Variants in TOX observed in about 807,000 individuals in gnomAD.
TOX encodes thymocyte selection associated high mobility group box, also known as thymocyte selection-associated high mobility group box protein TOX.
A neutral mutation model predicts 53.7 loss-of-function variants in TOX; 11 were observed. That is an observed-to-expected ratio of 0.20 (90% CI 0.13 to 0.34). The LOEUF (loss-of-function observed/expected upper bound fraction) is 0.34. TOX is among the 10% of genes least tolerant of loss of function. The probability of loss-of-function intolerance (pLI) is 1.00; values close to 1 mark genes in which losing one functional copy is unlikely to be tolerated. For missense variants in TOX, 570 were observed against 664.6 expected (o/e 0.86, Z 1.56); for synonymous variants, 225 against 245.3 (o/e 0.92, Z 0.77).
chr8:58,827,383 GGA>G (rs1810383109), intron 5 of TOX, among the ~76,000 whole-genome samples: 1 of 152,146 alleles, frequency 6.6e-6, no homozygotes, highest in Non-Finnish European at 1.5e-5. Context: ...GAAACAGAAG[GGA>G]GAGTGCAGGT....
chr8:58,920,737 G>GAAAAAAAAAAAAAAAAAAAAAAA (rs1397497086), intron 3 of TOX, among the ~76,000 whole-genome samples: 1 of 47,742 alleles, frequency 2.1e-5, no homozygotes, highest in African/African-American at 6.8e-5. Context: ...AAAAAAAAAA[G>GAAAAAAAAAAAAAAAAAAAAAAA]AAAAAAAAGA....
At chr8:59,051,365 A>G (rs1305343809) in intron 1 of TOX, among the ~76,000 whole-genome samples, 1 of 152,192 alleles carries the variant, frequency 6.6e-6, no homozygotes, top group African/African-American at 2.4e-5. Context: ...ATTATGTCAG[A>G]TATCTCAAAT....
chr8:58,909,273 T>C (rs1038235679), intron 3 of TOX, among the ~76,000 whole-genome samples: 1 of 152,162 alleles, frequency 6.6e-6, no homozygotes, highest in African/African-American at 2.4e-5. Flanking sequence ...GATGGGTTGA[T>C]AGGTGCAGCA....
intron 1 of TOX, among the ~76,000 whole-genome samples, chr8:59,056,804 C>T (rs1443987978): frequency 6.6e-6 from 1 of 152,180 alleles, no homozygotes; most frequent in Non-Finnish European, 1.5e-5. Context: ...TGAAGAGCAA[C>T]TAGAAAAAGA....
intron 3 of TOX, among the ~76,000 whole-genome samples, chr8:58,881,079 C>A (rs78774829): frequency 8.6e-5 from 13 of 151,864 alleles, no homozygotes; most frequent in Middle Eastern, 3.4e-3. Flanking sequence ...GGGGGGTGAG[C>A]GGGATTGAGC....
chr8:59,058,445 G>A (rs759479781), intron 1 of TOX, among the ~76,000 whole-genome samples: 13 of 152,186 alleles, frequency 8.5e-5, no homozygotes, highest in Admixed American at 3.9e-4. Context: ...TGTAACTGGT[G>A]GAAATGGTGA....
At chr8:59,070,249 C>G (rs1042993844) in intron 1 of TOX, among the ~76,000 whole-genome samples, 1 of 152,118 alleles carries the variant, frequency 6.6e-6, no homozygotes, top group East Asian at 1.9e-4. Flanking sequence ...AGCCAAATAT[C>G]TGCCTCAACA....
intron 1 of TOX, among the ~76,000 whole-genome samples, chr8:59,027,539 A>G (rs1328505928): frequency 6.6e-6 from 1 of 152,008 alleles, no homozygotes; most frequent in Non-Finnish European, 1.5e-5. Flanking sequence ...GACAGCACCA[A>G]CTGGTTTGAG....
At chr8:59,025,742 G>A (rs957730215) in intron 1 of TOX, among the ~76,000 whole-genome samples, 5 of 152,118 alleles carry the variant, frequency 3.3e-5, no homozygotes, top group Non-Finnish European at 5.9e-5. Context: ...TCCCCAGGCA[G>A]ATGGTTCGCT....
intron 1 of TOX, among the ~76,000 whole-genome samples, chr8:58,970,266 TCTCTTGTCA>T (rs1248139308): frequency 6.6e-6 from 1 of 152,146 alleles, no homozygotes; most frequent in Non-Finnish European, 1.5e-5. Flanking sequence ...CTCTCTATTT[TCTCTTGTCA>T]CTCTACATTT....
chr8:59,038,896 C>G (rs1024158163), intron 1 of TOX, among the ~76,000 whole-genome samples: 5 of 152,252 alleles, frequency 3.3e-5, no homozygotes, highest in South Asian at 2.1e-4. Context: ...CTCCTGCAGC[C>G]TGCCCCGCGA....
chr8:58,838,793 C>T (rs375713135), intron 4 of TOX, among the ~76,000 whole-genome samples: 82 of 149,658 alleles, frequency 5.5e-4, no homozygotes, highest in African/African-American at 1.8e-3. Context: ...CCTCTGCCTC[C>T]CGAGTTCAAG....
intron 1 of TOX, among the ~76,000 whole-genome samples, chr8:59,085,979 C>CTTTTTT (rs35593177): frequency 1.9e-3 from 173 of 88,788 alleles, no homozygotes; most frequent in Non-Finnish European, 2.8e-3. Flanking sequence ...CTTTTCTTTT[C>CTTTTTT]TTTTTTTTTT....
chr8:58,952,014 C>T (rs902666153), intron 2 of TOX, among the ~76,000 whole-genome samples: 1 of 152,040 alleles, frequency 6.6e-6, no homozygotes, highest in African/African-American at 2.4e-5. Context: ...ACACTAAAAC[C>T]CTCTTTGTGT....
chr8:58,860,967 G>C (rs140177425), intron 3 of TOX, among the ~76,000 whole-genome samples: 2 of 152,268 alleles, frequency 1.3e-5, no homozygotes, highest in African/African-American at 4.8e-5. Flanking sequence ...CCCTTTAACT[G>C]CACAGTTGGA....
At chr8:59,060,194 CAA>C in intron 1 of TOX, among the ~76,000 whole-genome samples, 1 of 152,192 alleles carries the variant, frequency 6.6e-6, no homozygotes, top group Admixed American at 6.5e-5. Flanking sequence ...TTAATTCCAT[CAA>C]GACAACATTT....
At chr8:59,081,172 G>A (rs1804399466) in intron 1 of TOX, among the ~76,000 whole-genome samples, 1 of 152,052 alleles carries the variant, frequency 6.6e-6, no homozygotes, top group Admixed American at 6.6e-5. Context: ...GACTACAAGT[G>A]AGTACCACCA....
At chr8:58,836,452 G>A (rs1186251656) in intron 5 of TOX, among the ~76,000 whole-genome samples, 1 of 152,094 alleles carries the variant, frequency 6.6e-6, no homozygotes, top group Non-Finnish European at 1.5e-5. Context: ...ATGGTGAGTG[G>A]GTATTTTAAT....
chr8:59,049,271 G>A (rs1232650566), intron 1 of TOX, among the ~76,000 whole-genome samples: 1 of 152,014 alleles, frequency 6.6e-6, no homozygotes, highest in Non-Finnish European at 1.5e-5. Context: ...ACTTCACTTG[G>A]CAACTATGTG....
Sources: allele counts gnomAD v4.1 joint callset (sites outside exome capture counted in the v4.1 genomes callset), GRCh38; gene constraint gnomAD v4.1.1; transcripts MANE v1.5; gene names NCBI Gene and HGNC (gene_info 2026-07-23, HGNC 2026-07-21).